GPRC5B: variants seen among roughly 807,000 people sequenced by gnomAD.
GPRC5B encodes the protein G protein-coupled receptor class C group 5 member B, also known as G protein-coupled receptor family C group 5 member B.
Under a neutral mutation model 30.1 loss-of-function variants are expected in GPRC5B, and 16 were observed. The ratio of observed to expected loss-of-function variants is 0.53; its 90% CI spans 0.36 to 0.81. GPRC5B has a LOEUF of 0.81. GPRC5B is among the 30% of genes least tolerant of loss of function. The pLI, the probability that GPRC5B is intolerant of heterozygous loss-of-function variation, is 0.01. For synonymous variants in GPRC5B, 241 were observed against 239.5 expected (o/e 1.01, Z -0.06); for missense variants, 428 against 544.7 (o/e 0.79, Z 2.13).
chr16:19,878,208 C>CAAAG (rs2056774806), intron 1 of GPRC5B, among the ~76,000 whole-genome samples: 1 of 149,838 alleles, frequency 6.7e-6, no homozygotes. Flanking sequence ...TAAAAACAAA[C>CAAAG]AAACAAACAA....
intron 2 of GPRC5B, among the ~76,000 whole-genome samples, chr16:19,863,798 G>A (rs991736815): frequency 6.6e-6 from 1 of 152,066 alleles, no homozygotes; most frequent in Non-Finnish European, 1.5e-5. Context: ...ACTGTGCCCA[G>A]CTGGCATTCG....
At chr16:19,861,462 C>T (rs574864620) in intron 3 of GPRC5B, among the ~76,000 whole-genome samples, 4 of 152,108 alleles carry the variant, frequency 2.6e-5, no homozygotes, top group South Asian at 2.1e-4. Flanking sequence ...GAGGGGTGAC[C>T]GGGGACCTTA....
upstream of GPRC5B, chr16:19,885,184 C>T (rs1010306335): frequency 4.7e-6 from 6 of 1,284,864 alleles, no homozygotes; most frequent in Non-Finnish European, 6.1e-6. This position sits in a 1 kb window ranked among gnomAD's most constrained non-coding sequence, Gnocchi z 5.3. Context: ...GGGAACACTC[C>T]CCTAGCCAAT....
chr16:19,869,531 C>T (rs567045246), intron 2 of GPRC5B, among the ~76,000 whole-genome samples: 6 of 152,108 alleles, frequency 3.9e-5, no homozygotes, highest in African/African-American at 1.2e-4. Flanking sequence ...AATGATTCTA[C>T]GAGATACTTT....
intron 2 of GPRC5B, among the ~76,000 whole-genome samples, chr16:19,865,705 G>A (rs560362606): frequency 1.5e-4 from 23 of 152,118 alleles, no homozygotes; most frequent in Admixed American, 7.9e-4. Flanking sequence ...ACTGTTTATC[G>A]TTGAGAGTCA....
chr16:19,883,667 G>A (rs1008288853), intron 1 of GPRC5B, among the ~76,000 whole-genome samples: 3 of 152,258 alleles, frequency 2.0e-5, no homozygotes, highest in African/African-American at 7.2e-5. Flanking sequence ...GCGTGGGCTG[G>A]GGCCCCAGGC....
Position 19,868,137 on chromosome 16 carries a change from G to A in GPRC5B, c.1030+3679C>T, listed in dbSNP as rs1336521318. Reference sequence around the variant, plus strand: ...TGCCTGTAATCCCAACACTTTGGGAGGCCGAGGCGGGTGGATCACCTGAGG... The same window carrying A: ...TGCCTGTAATCCCAACACTTTGGGAAGCCGAGGCGGGTGGATCACCTGAGG... On this transcript the variant is annotated intron_variant, in intron 2 of 3. Transcript: ENST00000300571. 2.6e-5 allele frequency among the ~76,000 whole-genome samples: 4 copies of A among 151,982 alleles called. No homozygotes were observed. The East Asian group carries it at 7.7e-4, about 29-fold the overall frequency.
chr16:19,863,506 T>C (rs1440281069), intron 2 of GPRC5B, among the ~76,000 whole-genome samples: 1 of 147,270 alleles, frequency 6.8e-6, no homozygotes, highest in Non-Finnish European at 1.5e-5. Context: ...TTTTTTTTTT[T>C]TTTTTTTTGA....
intron 2 of GPRC5B, among the ~76,000 whole-genome samples, chr16:19,869,723 C>T (rs932081861): frequency 6.6e-6 from 1 of 152,014 alleles, no homozygotes; most frequent in Non-Finnish European, 1.5e-5. Context: ...TGTTTTTCTG[C>T]CTTGGAACTG....
chr16:19,860,951 G>A (rs1427646072), intron 3 of GPRC5B, among the ~76,000 whole-genome samples: 1 of 151,958 alleles, frequency 6.6e-6, no homozygotes, highest in African/African-American at 2.4e-5. Context: ...GTTGGCAGGG[G>A]GTTTTAAGAA....
chr16:19,858,648 C>A lies in GPRC5B; in HGVS notation c.*1852G>T. ...ATACCGGGTCCGCATGCAACCGCCC[C>A]CACCCCCACCCCAGGTCCTAGCTTC... is the stretch of plus-strand genomic sequence containing the variant. On this transcript the variant is annotated 3_prime_UTR_variant, in exon 4 of 4. Coordinates refer to ENST00000300571, the MANE Select transcript of GPRC5B (RefSeq NM_016235.3). The A allele has an allele frequency of 1.9e-6, 1 of 532,532 alleles. No homozygotes were observed. The highest frequency in any genetic ancestry group is 3.1e-5 in the East Asian group (1 of 32,078). 33.0% of individuals were successfully genotyped at this position (532,532 alleles called of 1,614,324 possible). A position where few individuals can be genotyped will look rare whatever the true frequency, so the allele number is the denominator to read the frequency against.
intron 1 of GPRC5B, among the ~76,000 whole-genome samples, chr16:19,875,403 C>T (rs932271377): frequency 6.6e-6 from 1 of 152,254 alleles, no homozygotes; most frequent in Non-Finnish European, 1.5e-5. Flanking sequence ...ACCACCTGGG[C>T]GGTTATTTAC....
chr16:19,883,683 C>A (rs1405790188), intron 1 of GPRC5B, among the ~76,000 whole-genome samples: 1 of 152,242 alleles, frequency 6.6e-6, no homozygotes, highest in African/African-American at 2.4e-5. Flanking sequence ...CAGGCGGGGA[C>A]GCCGCTGCCC....
At chr16:19,877,976 A>T (rs2056771642) in intron 1 of GPRC5B, among the ~76,000 whole-genome samples, 1 of 152,006 alleles carries the variant, frequency 6.6e-6, no homozygotes, top group South Asian at 2.1e-4. Context: ...AGGCAGGCAG[A>T]TCATTTAAGG....
rs771810976 is a variant in GPRC5B at position 19,872,456 on chromosome 16, G to C, written c.390C>G (p.Gly130=). 6.2e-7 allele frequency: 1 copy of C among 1,613,884 alleles called. No homozygotes were observed. Among genetic ancestry groups the C allele is most frequent in the Non-Finnish European group, 8.5e-7 (1 of 1,179,930 alleles). Residue 130 remains glycine, a synonymous_variant, in exon 2 of 4, where the codon GGC becomes GGG. Transcript: ENST00000300571. The surrounding 1 kb of genome is among the most constrained non-coding windows in gnomAD (Gnocchi z 5.0). ...AGGAGAAGCAGAGCGCAAAGAGGAC[G>C]CCCCAGAGGAAGCGGCGGACAGAGC... The part of the protein sequence containing the change: ...TICSVRRFLW[G]VLFALCFSCL...
intron 2 of GPRC5B, among the ~76,000 whole-genome samples, chr16:19,869,224 G>A (rs768566422): frequency 2.6e-5 from 4 of 151,638 alleles, no homozygotes; most frequent in Admixed American, 2.6e-4. Flanking sequence ...AGCTACTCGG[G>A]AGGCTGAGGC....
At chr16:19,868,562 G>A (rs183532063) in intron 2 of GPRC5B, among the ~76,000 whole-genome samples, 1 of 152,248 alleles carries the variant, frequency 6.6e-6, no homozygotes, top group East Asian at 1.9e-4. Context: ...CGTCCTCTGG[G>A]TTCCCAGTGC....
In GPRC5B at chr16:19,858,758, T is replaced by C; in HGVS notation, c.*1742A>G. On this transcript the variant is annotated 3_prime_UTR_variant, in exon 4 of 4. Transcript: ENST00000300571. ...GGATTCTCTAGAAGCAAGCACATGC[T>C]CTGGGCAGAGGCGGGGTGCTTCCGG... 2 of 416,262 alleles carry C rather than the reference T, an allele frequency of 4.8e-6. No individual in the cohort carries two copies. The highest frequency in any genetic ancestry group is 3.5e-5 in the East Asian group (1 of 28,336). 25.8% of individuals were successfully genotyped at this position (416,262 alleles called of 1,614,324 possible). A position where few individuals can be genotyped will look rare whatever the true frequency, so the allele number is the denominator to read the frequency against.
At chr16:19,867,637 C>T (rs1054048786) in intron 2 of GPRC5B, among the ~76,000 whole-genome samples, 4 of 152,154 alleles carry the variant, frequency 2.6e-5, no homozygotes, top group African/African-American at 4.8e-5. Flanking sequence ...TAGAACAATT[C>T]CCTAGAGAAA....
Sources: allele counts gnomAD v4.1 joint callset (sites outside exome capture counted in the v4.1 genomes callset), GRCh38; gene constraint gnomAD v4.1.1; non-coding constraint Gnocchi (gnomAD v3.1); transcripts MANE v1.5; gene names NCBI Gene and HGNC (gene_info 2026-07-23, HGNC 2026-07-21).